Variants in CADM2 observed in about 807,000 individuals in gnomAD.
CADM2 encodes cell adhesion molecule 2.
A neutral mutation model predicts 49.8 loss-of-function variants in CADM2; 12 were observed. The ratio of observed to expected loss-of-function variants is 0.24; its 90% CI spans 0.15 to 0.39. The LOEUF is 0.39. Among genes scored for constraint, CADM2 ranks in the 10% least tolerant of loss-of-function variants. CADM2 has a pLI of 1.00. For synonymous variants in CADM2, 214 were observed against 175.4 expected (o/e 1.22, Z -1.74); for missense variants, 378 against 492.3 (o/e 0.77, Z 2.20).
At chr3:85,198,598 AG>A (rs774203979) in intron 1 of CADM2, among the ~76,000 whole-genome samples, 3 of 151,828 alleles carry the variant, frequency 2.0e-5, no homozygotes, top group Admixed American at 6.6e-5. Context: ...TTATCTTCAA[AG>A]GTGATATTGT....
intron 8 of CADM2, among the ~76,000 whole-genome samples, chr3:86,045,366 G>A (rs913809848): frequency 6.6e-6 from 1 of 152,058 alleles, no homozygotes; most frequent in Non-Finnish European, 1.5e-5. Context: ...AATCAGATGG[G>A]CCTATAATCT....
At chr3:85,047,480 T>C (rs942766385) in intron 1 of CADM2, among the ~76,000 whole-genome samples, 1 of 152,120 alleles carries the variant, frequency 6.6e-6, no homozygotes, top group Non-Finnish European at 1.5e-5. Flanking sequence ...ATATTGTTTA[T>C]TAAAAAATAG....
At chr3:85,706,051 A>G (rs778797656) in intron 1 of CADM2, among the ~76,000 whole-genome samples, 6 of 152,196 alleles carry the variant, frequency 3.9e-5, no homozygotes, top group Admixed American at 6.5e-5. Context: ...AGTTACTTTT[A>G]TAGATTATTT....
chr3:85,010,156 G>A (rs1404655943), intron 1 of CADM2, among the ~76,000 whole-genome samples: 4 of 151,970 alleles, frequency 2.6e-5, no homozygotes, highest in East Asian at 1.9e-4. Flanking sequence ...AATGGTATAG[G>A]GTTGTAGAAA....
intron 2 of CADM2, among the ~76,000 whole-genome samples, chr3:85,733,358 C>T (rs764221171): frequency 1.9e-4 from 29 of 152,154 alleles, no homozygotes; most frequent in Admixed American, 6.6e-5. Context: ...TTAGTTGTTT[C>T]TAAAGTGCAG....
At chr3:85,280,300 G>A (rs2043469163) in intron 1 of CADM2, among the ~76,000 whole-genome samples, 1 of 151,030 alleles carries the variant, frequency 6.6e-6, no homozygotes, top group Non-Finnish European at 1.5e-5. Context: ...GGGTAGTTTT[G>A]TCATATACGG....
At chr3:85,462,132 C>T (rs1559852200) in intron 1 of CADM2, among the ~76,000 whole-genome samples, 1 of 152,156 alleles carries the variant, frequency 6.6e-6, no homozygotes, top group South Asian at 2.1e-4. Flanking sequence ...AACATCTAAT[C>T]TATGATTTTT....
In CADM2 at chr3:85,568,448, T is replaced by A. The variant is rs867987069; in HGVS notation, c.62-158074T>A. Among the ~76,000 whole-genome samples the A allele has an allele frequency of 4.6e-4, 16 of 34,578 alleles. 3 individuals are homozygous for A. The highest frequency in any genetic ancestry group is 3.3e-3 in the Admixed American group (9 of 2,706). 22.7% of individuals were successfully genotyped at this position (34,578 alleles called of 152,430 possible). A position where few individuals can be genotyped will look rare whatever the true frequency, so the allele number is the denominator to read the frequency against. On this transcript the variant is annotated intron_variant, in intron 1 of 9. Coordinates refer to ENST00000383699, the MANE Select transcript of CADM2 (RefSeq NM_001167675.2). ...CTTTCTTTCTTTCTTTCTTTCTTTC[T>A]TTCTTTCTTTCTTTCTCTTTCTCTC...
At chr3:84,961,820 C>A (rs2030553386) in intron 1 of CADM2, among the ~76,000 whole-genome samples, 1 of 152,136 alleles carries the variant, frequency 6.6e-6, no homozygotes. Context: ...TATTATAGAG[C>A]ATGTGGGCCA....
intron 8 of CADM2, among the ~76,000 whole-genome samples, chr3:85,971,163 A>C (rs867308860): frequency 6.6e-6 from 1 of 151,612 alleles, no homozygotes. Context: ...ATTAGAGAAT[A>C]GGAGGCAACA....
chr3:85,543,570 C>T (rs575692444), intron 1 of CADM2, among the ~76,000 whole-genome samples: 1 of 152,178 alleles, frequency 6.6e-6, no homozygotes, highest in Non-Finnish European at 1.5e-5. Context: ...AGGCCTGAGC[C>T]ACCGCACCTG....
At chr3:85,754,516 A>G (rs115483113) in intron 2 of CADM2, among the ~76,000 whole-genome samples, 3 of 152,186 alleles carry the variant, frequency 2.0e-5, no homozygotes, top group East Asian at 1.9e-4. Flanking sequence ...CTTGTCTTCT[A>G]TAATGTACCC....
intron 1 of CADM2, among the ~76,000 whole-genome samples, chr3:85,165,475 CAAG>C (rs2040447479): frequency 6.6e-6 from 1 of 151,740 alleles, no homozygotes; most frequent in Non-Finnish European, 1.5e-5. Context: ...AAAAAATGTA[CAAG>C]AAGGAAATAA....
intron 1 of CADM2, among the ~76,000 whole-genome samples, chr3:85,595,592 G>A (rs2063219910): frequency 6.6e-6 from 1 of 151,972 alleles, no homozygotes; most frequent in Non-Finnish European, 1.5e-5. Flanking sequence ...TGGGTGCAAA[G>A]TATAGGAATT....
At chr3:85,376,135 A>T (rs1215921828) in intron 1 of CADM2, among the ~76,000 whole-genome samples, 1 of 152,120 alleles carries the variant, frequency 6.6e-6, no homozygotes, top group African/African-American at 2.4e-5. Context: ...TAGATCCTCT[A>T]AAGTAAATTG....
chr3:85,086,653 G>A (rs1474183301), intron 1 of CADM2, among the ~76,000 whole-genome samples: 2 of 151,654 alleles, frequency 1.3e-5, no homozygotes, highest in Admixed American at 1.3e-4. Context: ...TGGGATTGCA[G>A]GTGTGCACCA....
chr3:85,708,095 T>C (rs2067004502), intron 1 of CADM2, among the ~76,000 whole-genome samples: 1 of 152,296 alleles, frequency 6.6e-6, no homozygotes, highest in Admixed American at 6.5e-5. Flanking sequence ...GATGGTGATA[T>C]CTGATGTCTA....
At chr3:85,448,832 C>T (rs185591294) in intron 1 of CADM2, among the ~76,000 whole-genome samples, 221 of 151,868 alleles carry the variant, frequency 1.5e-3, no homozygotes, top group Non-Finnish European at 2.4e-3. Context: ...TTGTGGATCA[C>T]GAGGTCAGGA....
At chr3:85,295,701 A>C (rs2043941941) in intron 1 of CADM2, among the ~76,000 whole-genome samples, 1 of 151,198 alleles carries the variant, frequency 6.6e-6, no homozygotes, top group African/African-American at 2.4e-5. Flanking sequence ...CAAAAAACCA[A>C]ACACTCACAG....
Sources: gnomAD v4.1 joint callset for allele counts (sites outside exome capture counted in the v4.1 genomes callset) on GRCh38, gnomAD v4.1.1 for gene constraint, MANE v1.5 for transcripts, NCBI Gene and HGNC (gene_info 2026-07-23, HGNC 2026-07-21) for gene names.